The following CSMD3 variants were observed in gnomAD, a reference collection of about 807,000 sequenced individuals.
CSMD3 encodes CUB and Sushi multiple domains 3.
In CSMD3, 177 loss-of-function variants were observed where a neutral mutation model predicts 435.2. The observed-to-expected ratio is 0.41, with a 90% confidence interval of 0.36 to 0.46. CSMD3 has a LOEUF of 0.46. CSMD3 is among the 20% of genes least tolerant of loss of function. The probability of loss-of-function intolerance (pLI) is 0.34; values close to 1 mark genes in which losing one functional copy is unlikely to be tolerated. For missense variants in CSMD3, 4,265 were observed against 4,504.6 expected (o/e 0.95, Z 1.52); for synonymous variants, 1,656 against 1,520.5 (o/e 1.09, Z -2.07).
rs2093682424 is a variant in CSMD3 at position 113,290,954 on chromosome 8, T to C, written c.402-12250A>G. The stretch of plus-strand genomic sequence containing the variant: ...GAAGTATTTTTTTAAATTACCCATT[T>C]ATATAATAAATATAAAATGATAAAA... On this transcript the variant is annotated intron_variant, in intron 2 of 70. Coordinates refer to ENST00000297405, the MANE Select transcript of CSMD3 (RefSeq NM_198123.2). 2.6e-5 allele frequency among the ~76,000 whole-genome samples: 4 copies of C among 151,382 alleles called. No homozygotes were observed. In the South Asian group the frequency reaches 8.3e-4, roughly 31 times the overall value.
intron 10 of CSMD3, among the ~76,000 whole-genome samples, chr8:112,880,808 G>A (rs904529692): frequency 3.9e-5 from 6 of 151,914 alleles, no homozygotes; most frequent in East Asian, 3.9e-4. Flanking sequence ...TAAGGAGATC[G>A]ATCCAGCTGC....
At chr8:112,926,163 C>T (rs888229207) in intron 9 of CSMD3, among the ~76,000 whole-genome samples, 1 of 152,036 alleles carries the variant, frequency 6.6e-6, no homozygotes, top group African/African-American at 2.4e-5. Context: ...ATATCTTAAA[C>T]AAATGCACTG....
chr8:112,298,755 A>G (rs796714994), intron 53 of CSMD3, among the ~76,000 whole-genome samples: 5 of 152,242 alleles, frequency 3.3e-5, no homozygotes, highest in African/African-American at 9.6e-5. Flanking sequence ...TTAAAATATC[A>G]TAGGATACCT....
At chr8:113,225,154 G>T (rs968174433) in intron 3 of CSMD3, among the ~76,000 whole-genome samples, 12 of 151,376 alleles carry the variant, frequency 7.9e-5, no homozygotes, top group African/African-American at 2.9e-4. Context: ...GAAAGGCAGT[G>T]TTGTTACCTA....
intron 40 of CSMD3, among the ~76,000 whole-genome samples, chr8:112,348,909 T>C (rs574264178): frequency 6.6e-6 from 1 of 152,268 alleles, no homozygotes; most frequent in East Asian, 1.9e-4. Context: ...TGATAATTTT[T>C]TAAGAATAAT....
chr8:113,314,667 C>A lies in CSMD3; in HGVS notation c.305G>T (p.Arg102Ile), dbSNP rs776529077. 6 of 1,609,712 alleles carry A rather than the reference C, an allele frequency of 3.7e-6. No individual in the cohort carries two copies. The highest frequency in any genetic ancestry group is 3.4e-6 in the Non-Finnish European group (4 of 1,176,444). The change falls in exon 2 of 71, where the codon AGA becomes ATA. Residue 102 changes from arginine to isoleucine, a missense_variant. This residue lies in a region of CSMD3 where 731 missense variants were observed against 755.4 expected (regional missense o/e 0.97). Transcript: ENST00000297405. ...TWVIIAEERN[R>I]IQIVFQSFAL... The stretch of plus-strand genomic sequence containing the variant: ...AAATGACTGAAAAACAATTTGTATT[C>A]TATTTCGTTCTTCTGCTATTATTAC...
intron 31 of CSMD3, among the ~76,000 whole-genome samples, chr8:112,484,656 A>G (rs1352666026): frequency 6.6e-6 from 1 of 152,128 alleles, no homozygotes; most frequent in Non-Finnish European, 1.5e-5. Context: ...ATCTGGAGAT[A>G]TGGTTTAAAT....
chr8:113,209,309 C>A (rs991845099), intron 3 of CSMD3, among the ~76,000 whole-genome samples: 7 of 152,044 alleles, frequency 4.6e-5, no homozygotes, highest in Non-Finnish European at 7.4e-5. Flanking sequence ...TAATGAAGGG[C>A]ATTTATAAAT....
intron 13 of CSMD3, among the ~76,000 whole-genome samples, chr8:112,723,234 T>C (rs554540189): frequency 3.5e-4 from 54 of 152,268 alleles, no homozygotes; most frequent in South Asian, 1.9e-3. Flanking sequence ...CTTAAAATTA[T>C]GACTACTCAT....
At chr8:113,279,705 T>TA (rs1259183499) in intron 2 of CSMD3, among the ~76,000 whole-genome samples, 4 of 151,826 alleles carry the variant, frequency 2.6e-5, no homozygotes, top group Admixed American at 6.6e-5. Context: ...ATAATAGCTG[T>TA]ATCATTATGA....
intron 1 of CSMD3, among the ~76,000 whole-genome samples, chr8:113,337,744 A>G (rs2094087659): frequency 6.6e-6 from 1 of 152,074 alleles, no homozygotes; most frequent in Non-Finnish European, 1.5e-5. Context: ...TCTTTGAGTT[A>G]GGAGAAATAA....
intron 8 of CSMD3, among the ~76,000 whole-genome samples, chr8:112,952,554 A>G (rs2083860089): frequency 6.6e-6 from 1 of 151,628 alleles, no homozygotes; most frequent in African/African-American, 2.4e-5. Context: ...TCTACTGCAA[A>G]CAACCATGAA....
chr8:112,860,304 G>T (rs1245241625), intron 10 of CSMD3, among the ~76,000 whole-genome samples: 1 of 151,550 alleles, frequency 6.6e-6, no homozygotes, highest in African/African-American at 2.4e-5. Context: ...CAACTTGATG[G>T]TTATATCTTG....
intron 17 of CSMD3, among the ~76,000 whole-genome samples, chr8:112,664,825 T>A (rs923969082): frequency 4.6e-5 from 7 of 152,126 alleles, no homozygotes; most frequent in Non-Finnish European, 1.0e-4. Flanking sequence ...GAATAAACTG[T>A]CTTGTGGACA....
chr8:113,017,712 T>C (rs1253283923), intron 6 of CSMD3, among the ~76,000 whole-genome samples: 2 of 152,024 alleles, frequency 1.3e-5, no homozygotes, highest in Non-Finnish European at 2.9e-5. Flanking sequence ...CAATATCTTA[T>C]TTTCAATAAA....
Position 112,228,607 on chromosome 8 carries a change from A to C in CSMD3, c.10964+149T>G, listed in dbSNP as rs1812791809. 5 of 762,620 alleles carry C rather than the reference A, an allele frequency of 6.6e-6. No homozygotes were observed. The Admixed American group carries it at 7.7e-5, about 12-fold the overall frequency. 47.2% of individuals were successfully genotyped at this position (762,620 alleles called of 1,614,324 possible). On this transcript the variant is annotated intron_variant, in intron 70 of 70. Coordinates refer to ENST00000297405, the MANE Select transcript of CSMD3 (RefSeq NM_198123.2). ...GTTGCAGGGGTGGTTAGGGGAAATAAATTTTTCAGTGTCTATGACAATAGT... is the reference window on the plus strand; with the variant it reads ...GTTGCAGGGGTGGTTAGGGGAAATACATTTTTCAGTGTCTATGACAATAGT...
chr8:112,409,165 A>G, intron 32 of CSMD3, 133 bp from the exon 33 acceptor site: 1 of 1,489,066 alleles, frequency 6.7e-7, no homozygotes, highest in African/African-American at 1.4e-5. Context: ...TTTTCTACCT[A>G]AAAGAGGATA....
intron 25 of CSMD3, among the ~76,000 whole-genome samples, chr8:112,555,690 G>A (rs572349528): frequency 7.9e-5 from 12 of 151,962 alleles, no homozygotes; most frequent in Non-Finnish European, 7.4e-5. Context: ...AAACCACTAC[G>A]CAATTAGTTG....
intron 11 of CSMD3, among the ~76,000 whole-genome samples, chr8:112,847,533 G>A (rs2080358351): frequency 6.6e-6 from 1 of 152,018 alleles, no homozygotes; most frequent in Non-Finnish European, 1.5e-5. Flanking sequence ...TCCCTTAATA[G>A]TTTCTCCTGG....
Sources: allele counts gnomAD v4.1 joint callset (sites outside exome capture counted in the v4.1 genomes callset), GRCh38; gene constraint gnomAD v4.1.1; regional missense constraint gnomAD v4.1.1; transcripts MANE v1.5; gene names NCBI Gene and HGNC (gene_info 2026-07-23, HGNC 2026-07-21).